Variants in TBC1D22A observed in about 807,000 individuals in gnomAD.
TBC1D22A encodes TBC1 domain family member 22A.
In TBC1D22A, 38 loss-of-function variants were observed where a neutral mutation model predicts 60.2. The observed-to-expected ratio is 0.63, with a 90% CI of 0.49 to 0.83. TBC1D22A has a LOEUF of 0.83. TBC1D22A is among the 40% of genes least tolerant of loss of function. The pLI is 0.00. For synonymous variants in TBC1D22A, 302 were observed against 281.7 expected (o/e 1.07, Z -0.72); for missense variants, 628 against 701.0 (o/e 0.90, Z 1.18).
intron 11 of TBC1D22A, among the ~76,000 whole-genome samples, chr22:47,086,608 A>G (rs1407913636): frequency 2.0e-5 from 3 of 152,210 alleles, no homozygotes; most frequent in African/African-American, 4.8e-5. Context: ...TCCTCCCCCT[A>G]TATACTAACA....
At chr22:46,794,249 G>T (rs1046733235) in intron 3 of TBC1D22A, among the ~76,000 whole-genome samples, 2 of 152,202 alleles carry the variant, frequency 1.3e-5, no homozygotes, top group African/African-American at 4.8e-5. Context: ...CCAGCCGAGG[G>T]GTCAGGCCTC....
At chr22:46,822,458 C>T (rs1479905897) in intron 4 of TBC1D22A, among the ~76,000 whole-genome samples, 4 of 152,028 alleles carry the variant, frequency 2.6e-5, no homozygotes, top group Non-Finnish European at 5.9e-5. Flanking sequence ...GTTGTTGTCG[C>T]TTTCTGCCTG....
At chr22:46,888,781 C>T (rs1210008230) in intron 5 of TBC1D22A, among the ~76,000 whole-genome samples, 3 of 152,210 alleles carry the variant, frequency 2.0e-5, no homozygotes, top group Non-Finnish European at 4.4e-5. Context: ...GATCTTGGCT[C>T]ACTGCACCTT....
chr22:47,094,362 C>T (rs1296942851), intron 11 of TBC1D22A, among the ~76,000 whole-genome samples: 1 of 152,176 alleles, frequency 6.6e-6, no homozygotes, highest in Non-Finnish European at 1.5e-5. Flanking sequence ...CGAAGGGTGA[C>T]CCTCCATAAT....
At chr22:47,061,972 C>G (rs2063592087) in intron 11 of TBC1D22A, among the ~76,000 whole-genome samples, 1 of 151,184 alleles carries the variant, frequency 6.6e-6, no homozygotes, top group African/African-American at 2.4e-5. Context: ...CCAGTGATCC[C>G]AGCTACTCCG....
intron 8 of TBC1D22A, among the ~76,000 whole-genome samples, chr22:46,944,359 T>A (rs1327059849): frequency 6.6e-6 from 1 of 152,250 alleles, no homozygotes; most frequent in East Asian, 1.9e-4. Context: ...CACTTAAAAA[T>A]TTTTAAACTT....
chr22:47,020,362 C>G (rs1204570490), intron 10 of TBC1D22A, among the ~76,000 whole-genome samples: 5 of 152,166 alleles, frequency 3.3e-5, no homozygotes, highest in Non-Finnish European at 7.3e-5. Context: ...GGGACTCTAT[C>G]CGGGGAAGCT....
At chr22:47,167,452 A>G (rs775258781) in intron 12 of TBC1D22A, among the ~76,000 whole-genome samples, 2 of 152,168 alleles carry the variant, frequency 1.3e-5, no homozygotes, top group African/African-American at 4.8e-5. Context: ...ATAACTCGGC[A>G]AGTGGGAGGG....
intron 8 of TBC1D22A, among the ~76,000 whole-genome samples, chr22:46,950,858 T>C (rs2072859725): frequency 6.6e-6 from 1 of 152,202 alleles, no homozygotes; most frequent in South Asian, 2.1e-4. Context: ...AGTTCTGTTA[T>C]TTTTCTCCAG....
chr22:47,096,993 T>C (rs1473309524), intron 11 of TBC1D22A, among the ~76,000 whole-genome samples: 1 of 93,138 alleles, frequency 1.1e-5, no homozygotes, highest in Non-Finnish European at 2.0e-5. Flanking sequence ...TGATGGAACG[T>C]TCCATCCTTT....
At chr22:46,973,850 C>A (rs764854796) in intron 8 of TBC1D22A, among the ~76,000 whole-genome samples, 2 of 152,042 alleles carry the variant, frequency 1.3e-5, no homozygotes, top group Non-Finnish European at 2.9e-5. Flanking sequence ...AAGTATTTAC[C>A]CAGTGCAGTT....
intron 8 of TBC1D22A, among the ~76,000 whole-genome samples, chr22:46,941,763 A>G (rs906276369): frequency 5.6e-5 from 8 of 143,928 alleles, no homozygotes; most frequent in African/African-American, 1.0e-4. Context: ...ATATATATAT[A>G]CGGAATATGT....
intron 12 of TBC1D22A, among the ~76,000 whole-genome samples, chr22:47,114,872 C>T (rs2065974889): frequency 6.6e-6 from 1 of 152,148 alleles, no homozygotes; most frequent in African/African-American, 2.4e-5. Flanking sequence ...CACGCTGCCC[C>T]TTAATTCCCG....
chr22:46,767,600 G>A (rs184050096), intron 1 of TBC1D22A, among the ~76,000 whole-genome samples: 157 of 152,286 alleles, frequency 1.0e-3, no homozygotes, highest in Non-Finnish European at 1.9e-3. Context: ...CAGTTAAATG[G>A]AGTTAACTGT....
intron 10 of TBC1D22A, among the ~76,000 whole-genome samples, chr22:47,033,489 G>A (rs1266701240): frequency 6.6e-6 from 1 of 152,186 alleles, no homozygotes; most frequent in African/African-American, 2.4e-5. Context: ...TGGATGCTCA[G>A]TTGTGTGTAC....
intron 12 of TBC1D22A, among the ~76,000 whole-genome samples, chr22:47,119,186 G>A (rs543642280): frequency 2.0e-5 from 3 of 152,126 alleles, no homozygotes; most frequent in African/African-American, 4.8e-5. Flanking sequence ...TTATAATTTG[G>A]GAGTAAATCC....
At chr22:47,031,702 G>A (rs549441885) in intron 10 of TBC1D22A, among the ~76,000 whole-genome samples, 1 of 152,220 alleles carries the variant, frequency 6.6e-6, no homozygotes, top group South Asian at 2.1e-4. Context: ...GTGCACCTTT[G>A]GACAGGTCCC....
chr22:46,902,935 G>A (rs117855341), intron 7 of TBC1D22A, among the ~76,000 whole-genome samples: 4 of 151,050 alleles, frequency 2.6e-5, no homozygotes, highest in African/African-American at 7.4e-5. Context: ...GTATCCTGCC[G>A]ACTGCATTCC....
At chr22:46,984,155 T>C (rs140007862) in intron 9 of TBC1D22A, among the ~76,000 whole-genome samples, 1,895 of 151,238 alleles carry the variant, frequency 0.013, 39 homozygotes, top group African/African-American at 0.042. Context: ...TCACCTGAGG[T>C]CAGGAGTTCA....
Sources: gnomAD v4.1 joint callset for allele counts (sites outside exome capture counted in the v4.1 genomes callset) on GRCh38, gnomAD v4.1.1 for gene constraint, MANE v1.5 for transcripts, NCBI Gene and HGNC (gene_info 2026-07-23, HGNC 2026-07-21) for gene names.